GNG2: variants seen among roughly 807,000 people sequenced by gnomAD.
The protein encoded by GNG2 is guanine nucleotide-binding protein G(I)/G(S)/G(O) subunit gamma-2.
A neutral mutation model predicts 5.5 loss-of-function variants in GNG2; 5 were observed. The observed-to-expected ratio is 0.91, with a 90% CI of 0.48 to 1.92. The LOEUF is 1.92. Among genes scored for constraint, GNG2 ranks in the 30% most tolerant of loss-of-function variants. The probability of loss-of-function intolerance (pLI) is 0.01; values close to 1 mark genes in which losing one functional copy is unlikely to be tolerated. For synonymous variants in GNG2, 28 were observed against 32.0 expected, an observed-to-expected ratio of 0.88 and a Z score of 0.42; for missense variants, 55 against 88.4, an observed-to-expected ratio of 0.62 and a Z score of 1.52.
At chr14:51,931,152 G>A (rs1887637729) in intron 2 of GNG2, among the ~76,000 whole-genome samples, 1 of 152,126 alleles carries the variant, frequency 6.6e-6, no homozygotes, top group South Asian at 2.1e-4. Flanking sequence ...CAGAAATATA[G>A]GTGGCCAGGC....
At chr14:51,856,250 T>C (rs1036248667), upstream of GNG2, among the ~76,000 whole-genome samples, 2 of 151,930 alleles carry the variant, frequency 1.3e-5, no homozygotes, top group Non-Finnish European at 2.9e-5. Flanking sequence ...GTGTACAGCA[T>C]TGCAGAGAGA....
At chr14:51,863,476 G>T (rs958793161) in intron 1 of GNG2, among the ~76,000 whole-genome samples, 1 of 152,066 alleles carries the variant, frequency 6.6e-6, no homozygotes, top group African/African-American at 2.4e-5. Context: ...CATATTCTTG[G>T]TCTTTACCAC....
At chr14:51,886,765 C>G (rs1884485865) in intron 2 of GNG2, among the ~76,000 whole-genome samples, 1 of 152,324 alleles carries the variant, frequency 6.6e-6, no homozygotes, top group East Asian at 1.9e-4. Context: ...GATTCTTCCA[C>G]TTATTCTGAT....
At chr14:51,837,872 C>G (rs1807781992) in intron 2 of GNG2, among the ~76,000 whole-genome samples, 1 of 152,032 alleles carries the variant, frequency 6.6e-6, no homozygotes, top group African/African-American at 2.4e-5. Context: ...TATTTCCAAC[C>G]AAGATATTTT....
intron 3 of GNG2, among the ~76,000 whole-genome samples, chr14:51,960,174 A>ATT (rs35702479): frequency 4.4e-4 from 65 of 146,144 alleles, no homozygotes; most frequent in African/African-American, 1.0e-3. Flanking sequence ...TGTTTTGTTC[A>ATT]TTTTTTTTTT....
At position 51,886,747 on chromosome 14, in the gene GNG2, C is replaced by A. The variant is rs537105659; in HGVS notation, c.-30+9090C>A. 7.2e-5 allele frequency among the ~76,000 whole-genome samples: 11 copies of A among 152,266 alleles called. No individual in the cohort carries two copies. The South Asian group carries it at 2.1e-3, about 29-fold the overall frequency. ...GGCAGAGACCCCAGGAAACAAATAACCTGAACTGATTCTTCCACTTATTCT... is the reference window on the plus strand; with the variant it reads ...GGCAGAGACCCCAGGAAACAAATAAACTGAACTGATTCTTCCACTTATTCT... On this transcript the variant is annotated intron_variant, in intron 2 of 3. Transcript: ENST00000556766.
At chr14:51,872,955 C>A (rs1017122126) in intron 1 of GNG2, among the ~76,000 whole-genome samples, 10 of 152,180 alleles carry the variant, frequency 6.6e-5, no homozygotes, top group African/African-American at 2.4e-4. Flanking sequence ...GTTTTCACTA[C>A]AGTTTATTTC....
intron 2 of GNG2, chr14:51,913,969 G>T: frequency 2.1e-6 from 1 of 479,702 alleles, no homozygotes. Flanking sequence ...TCATATATAT[G>T]AAAAACAATG....
intron 2 of GNG2, among the ~76,000 whole-genome samples, chr14:51,932,388 C>T (rs1053108735): frequency 6.6e-6 from 1 of 151,818 alleles, no homozygotes; most frequent in Non-Finnish European, 1.5e-5. Context: ...TGAAATAAGC[C>T]AGTCAGAAAA....
intron 2 of GNG2, among the ~76,000 whole-genome samples, chr14:51,835,199 T>C (rs900734832): frequency 4.6e-5 from 7 of 152,132 alleles, no homozygotes; most frequent in Admixed American, 1.3e-4. Flanking sequence ...CAACAATTAC[T>C]GTAAGAAGCA....
intron 1 of GNG2, among the ~76,000 whole-genome samples, chr14:51,865,087 C>T (rs933409760): frequency 3.3e-5 from 5 of 152,116 alleles, no homozygotes; most frequent in Admixed American, 6.5e-5. Context: ...TGGGGTCAGA[C>T]GTTGACCTTG....
intron 1 of GNG2, among the ~76,000 whole-genome samples, chr14:51,876,415 C>T (rs1254985400): frequency 6.6e-6 from 1 of 152,080 alleles, no homozygotes; most frequent in African/African-American, 2.4e-5. Context: ...AAAACAATGA[C>T]TGAGAACATA....
At chr14:51,834,933 T>C (rs955271817) in intron 2 of GNG2, among the ~76,000 whole-genome samples, 1 of 152,214 alleles carries the variant, frequency 6.6e-6, no homozygotes, top group Non-Finnish European at 1.5e-5. Context: ...CCCGCTTCTA[T>C]ATAAATGAAT....
intron 1 of GNG2, among the ~76,000 whole-genome samples, chr14:51,866,268 T>C (rs1399511502): frequency 6.6e-6 from 1 of 152,228 alleles, no homozygotes; most frequent in Non-Finnish European, 1.5e-5. Context: ...GGTTCTACTC[T>C]AGATTCACTG....
chr14:51,872,743 AATG>A (rs982972122), intron 1 of GNG2, among the ~76,000 whole-genome samples: 162 of 152,360 alleles, frequency 1.1e-3, no homozygotes, highest in African/African-American at 3.6e-3. Context: ...GAAGGTCTAA[AATG>A]ATATTTATTG....
upstream of GNG2, among the ~76,000 whole-genome samples, chr14:51,855,546 A>C (rs1032202583): frequency 1.6e-4 from 25 of 152,222 alleles, no homozygotes; most frequent in African/African-American, 5.8e-4. Context: ...GATCCAAGAA[A>C]TGCCTGGAAT....
chr14:51,829,885 C>T (rs976500207), intron 2 of GNG2, among the ~76,000 whole-genome samples: 9 of 151,010 alleles, frequency 6.0e-5, no homozygotes, highest in African/African-American at 2.2e-4. Context: ...CTCTGTCACC[C>T]AGGTTGGAAT....
intron 2 of GNG2, among the ~76,000 whole-genome samples, chr14:51,919,974 C>T (rs943794101): frequency 2.0e-5 from 3 of 152,230 alleles, no homozygotes; most frequent in South Asian, 4.2e-4. Flanking sequence ...AGATATAAAC[C>T]GTTGTCCCTC....
chr14:51,872,439 A>G (rs1031082633), intron 1 of GNG2, among the ~76,000 whole-genome samples: 6 of 152,208 alleles, frequency 3.9e-5, no homozygotes, highest in African/African-American at 1.4e-4. Context: ...CACACAGAAG[A>G]AATCAACATA....
Sources: allele counts gnomAD v4.1 joint callset (sites outside exome capture counted in the v4.1 genomes callset), GRCh38; gene constraint gnomAD v4.1.1; transcripts MANE v1.5; gene names NCBI Gene and HGNC (gene_info 2026-07-23, HGNC 2026-07-21).